RERG: variants seen among roughly 807,000 people sequenced by gnomAD.
RERG encodes the protein ras-related and estrogen-regulated growth inhibitor.
A neutral mutation model predicts 23.2 loss-of-function variants in RERG; 25 were observed. The observed-to-expected ratio is 1.08, with a 90% confidence interval of 0.79 to 1.50. The LOEUF (loss-of-function observed/expected upper bound fraction) is 1.50. Among genes scored for constraint, RERG ranks in the 40% most tolerant of loss-of-function variants. RERG has a pLI of 0.00. For missense variants in RERG, 253 were observed against 250.1 expected (o/e 1.01, Z -0.08); for synonymous variants, 81 against 89.1 (o/e 0.91, Z 0.51).
At chr12:15,117,736 A>G (rs1483857013) in intron 3 of RERG, among the ~76,000 whole-genome samples, 1 of 151,116 alleles carries the variant, frequency 6.6e-6, no homozygotes, top group Non-Finnish European at 1.5e-5. Flanking sequence ...CTAAGCCTCT[A>G]TCTATATTCT....
chr12:15,142,320 C>T (rs551400261), intron 2 of RERG, among the ~76,000 whole-genome samples: 24 of 152,166 alleles, frequency 1.6e-4, no homozygotes, highest in Non-Finnish European at 2.5e-4. Context: ...TTGCTAGCAA[C>T]TCTAAGAGTA....
chr12:15,166,822 T>C (rs1176420223), intron 2 of RERG, among the ~76,000 whole-genome samples: 1 of 152,110 alleles, frequency 6.6e-6, no homozygotes, highest in Non-Finnish European at 1.5e-5. Context: ...TTAAATCATC[T>C]TGTATCATGT....
chr12:15,134,103 T>G (rs938359797), intron 2 of RERG, among the ~76,000 whole-genome samples: 1 of 152,160 alleles, frequency 6.6e-6, no homozygotes, highest in Non-Finnish European at 1.5e-5. Flanking sequence ...TTAATTTTAA[T>G]AATTTGTTTA....
chr12:15,188,252 G>A (rs1865020997), intron 2 of RERG, among the ~76,000 whole-genome samples: 1 of 152,148 alleles, frequency 6.6e-6, no homozygotes, highest in Non-Finnish European at 1.5e-5. Context: ...CCTCCTTGGT[G>A]AAGAGATATT....
At chr12:15,131,649 CAGAGG>C (rs1356833032) in intron 2 of RERG, among the ~76,000 whole-genome samples, 8 of 152,212 alleles carry the variant, frequency 5.3e-5, no homozygotes, top group African/African-American at 1.9e-4. Flanking sequence ...CCCAGAGAAG[CAGAGG>C]TTTATGCCAT....
chr12:15,219,480 T>C (rs1418845578), intron 1 of RERG, among the ~76,000 whole-genome samples: 1 of 152,216 alleles, frequency 6.6e-6, no homozygotes, highest in Non-Finnish European at 1.5e-5. Flanking sequence ...TAATCATTAT[T>C]AGCAAAAACC....
chr12:15,151,265 A>G (rs1864437216), intron 2 of RERG, among the ~76,000 whole-genome samples: 1 of 152,232 alleles, frequency 6.6e-6, no homozygotes, highest in African/African-American at 2.4e-5. Context: ...TCGGTAAGTC[A>G]ATAAGAACCA....
chr12:15,139,860 GTGGAAAGAGGGGATATCC>G (rs1331277575), intron 2 of RERG, among the ~76,000 whole-genome samples: 2 of 152,052 alleles, frequency 1.3e-5, no homozygotes, highest in Non-Finnish European at 2.9e-5. Context: ...TTGTATAGAA[GTGGAAAGAGGGGATATCC>G]TTGCCTTGTT....
At chr12:15,166,403 G>C (rs1382312544) in intron 2 of RERG, among the ~76,000 whole-genome samples, 2 of 152,156 alleles carry the variant, frequency 1.3e-5, no homozygotes, top group African/African-American at 4.8e-5. Context: ...AAGAATTTCA[G>C]TGTCTCCTTT....
chr12:15,208,791 TAGA>T (rs141677602), intron 2 of RERG, among the ~76,000 whole-genome samples: 11,691 of 152,170 alleles, frequency 0.077, 1,334 homozygotes, highest in African/African-American at 0.25. Flanking sequence ...GCAAAAATAT[TAGA>T]AGGTTTTAAA....
intron 2 of RERG, among the ~76,000 whole-genome samples, chr12:15,198,999 A>G (rs1226879820): frequency 1.3e-5 from 2 of 152,174 alleles, no homozygotes; most frequent in African/African-American, 4.8e-5. Flanking sequence ...TATAGGTGCT[A>G]CAGATTAGAG....
chr12:15,218,905 C>T (rs940226057), intron 1 of RERG, among the ~76,000 whole-genome samples: 1 of 152,092 alleles, frequency 6.6e-6, no homozygotes, highest in Non-Finnish European at 1.5e-5. Flanking sequence ...CTGCATTCCA[C>T]TTTGAGATAT....
At chr12:15,209,133 C>A (rs1011426452) in intron 2 of RERG, among the ~76,000 whole-genome samples, 1 of 152,088 alleles carries the variant, frequency 6.6e-6, no homozygotes, top group African/African-American at 2.4e-5. Context: ...TAGCGGACAG[C>A]CAGAGAATTC....
intron 2 of RERG, among the ~76,000 whole-genome samples, chr12:15,144,672 A>G (rs114111724): frequency 2.2e-4 from 34 of 152,294 alleles, no homozygotes; most frequent in African/African-American, 7.5e-4. Context: ...TGGGCTTAAG[A>G]GAATAGGGAG....
At chr12:15,181,538 A>G (rs1002884449) in intron 2 of RERG, among the ~76,000 whole-genome samples, 3 of 152,200 alleles carry the variant, frequency 2.0e-5, no homozygotes, top group Admixed American at 1.3e-4. Flanking sequence ...ATAACCTTGG[A>G]TATCATGCTT....
At chr12:15,135,588 A>G (rs1208609982) in intron 2 of RERG, among the ~76,000 whole-genome samples, 1 of 152,088 alleles carries the variant, frequency 6.6e-6, no homozygotes, top group Admixed American at 6.6e-5. Context: ...CTCTATCCCT[A>G]GTTTGCTGAA....
chr12:15,212,697 A>G (rs1400615997), intron 2 of RERG, among the ~76,000 whole-genome samples: 1 of 152,178 alleles, frequency 6.6e-6, no homozygotes, highest in Non-Finnish European at 1.5e-5. Flanking sequence ...GTTCTATAGC[A>G]TAAGAAAACT....
intron 2 of RERG, among the ~76,000 whole-genome samples, chr12:15,166,648 T>TA (rs1864697678): frequency 6.6e-6 from 1 of 151,918 alleles, no homozygotes; most frequent in Non-Finnish European, 1.5e-5. Flanking sequence ...CACATCAGCA[T>TA]ATATGAAATG....
intron 2 of RERG, among the ~76,000 whole-genome samples, chr12:15,198,874 C>T (rs1360464791): frequency 2.0e-5 from 3 of 152,170 alleles, no homozygotes; most frequent in Non-Finnish European, 2.9e-5. Context: ...TCGCCTTTAG[C>T]GAATCATGTG....
Sources: allele counts gnomAD v4.1 joint callset (sites outside exome capture counted in the v4.1 genomes callset), GRCh38; gene constraint gnomAD v4.1.1; transcripts MANE v1.5; gene names NCBI Gene and HGNC (gene_info 2026-07-23, HGNC 2026-07-21).